TRAF3: variants seen among roughly 807,000 people sequenced by gnomAD.
TRAF3 encodes TNF receptor associated factor 3.
A neutral mutation model predicts 62.3 loss-of-function variants in TRAF3; 13 were observed. The observed-to-expected ratio is 0.21, with a 90% CI of 0.14 to 0.33. The LOEUF is 0.33. Ranked by LOEUF, TRAF3 falls within the 10% of genes least tolerant of loss-of-function variation. TRAF3 has a pLI of 1.00. For missense variants in TRAF3, 440 were observed against 741.8 expected (o/e 0.59, Z 4.73); for synonymous variants, 269 against 283.4 (o/e 0.95, Z 0.51).
chr14:102,837,132 G>T (rs551726736), intron 2 of TRAF3, among the ~76,000 whole-genome samples: 264 of 142,152 alleles, frequency 1.9e-3, no homozygotes, highest in South Asian at 4.9e-3. Flanking sequence ...GTGTGTGTGT[G>T]TGTGTGTGTG....
rs1889704794 is a variant in TRAF3 at position 102,891,402 on chromosome 14, C to A, written c.804C>A (p.Asn268Lys). 6.2e-7 allele frequency: 1 copy of A among 1,612,446 alleles called. No individual in the cohort carries two copies. The highest frequency in any genetic ancestry group is 8.5e-7 in the Non-Finnish European group (1 of 1,179,430). The change falls in exon 9 of 12, where the codon AAC becomes AAA. Residue 268 changes from asparagine to lysine, a missense_variant. This residue lies in a region of TRAF3 where 255 missense variants were observed against 424.1 expected (regional missense o/e 0.60). Coordinates refer to ENST00000392745, the MANE Select transcript of TRAF3 (RefSeq NM_145725.3). ...QHVNLLKEWS[N>K]SLEKKVSLLQ... ...TCAACCTGCTGAAGGAGTGGAGCAA[C>A]TCGCTCGAAAAGAAGGTGGGCTGCA...
Position 102,874,293 on chromosome 14 carries a change from C to G in TRAF3, c.298-1331C>G, listed in dbSNP as rs546878152. ...TCTTTTTGAGACAGAGTCTCACTCT[C>G]TTGCCCAGGCTGGAGTACAATGGCG... On this transcript the variant is annotated intron_variant, in intron 4 of 11. Transcript: ENST00000392745. Among the ~76,000 whole-genome samples, 13 of 152,268 alleles carry G rather than the reference C, an allele frequency of 8.5e-5. No homozygotes were observed. In the East Asian group the frequency reaches 2.5e-3, roughly 29 times the overall value.
intron 1 of TRAF3, among the ~76,000 whole-genome samples, chr14:102,801,848 C>G (rs1289808819): frequency 6.6e-6 from 1 of 151,604 alleles, no homozygotes; most frequent in Non-Finnish European, 1.5e-5. Flanking sequence ...GAAACCCCGT[C>G]TACTAAAAAT....
intron 1 of TRAF3, among the ~76,000 whole-genome samples, chr14:102,807,350 A>T (rs1054972109): frequency 2.6e-5 from 4 of 151,976 alleles, no homozygotes; most frequent in African/African-American, 9.7e-5. Context: ...TCCTTTCTCC[A>T]GGGGCCTGGG....
At chr14:102,881,546 C>T (rs1197925880) in intron 6 of TRAF3, among the ~76,000 whole-genome samples, 2 of 152,100 alleles carry the variant, frequency 1.3e-5, no homozygotes, top group Middle Eastern at 3.2e-3. Context: ...AATGAGAACA[C>T]ATAGACACAT....
chr14:102,907,502 G>A lies in TRAF3; in HGVS notation c.*1718G>A, dbSNP rs956728038. The A allele has an allele frequency of 6.6e-6, 1 of 152,314 alleles. No individual in the cohort carries two copies. Among genetic ancestry groups the A allele is most frequent in the Non-Finnish European group, 1.5e-5 (1 of 68,080 alleles). The allele number at this position is 152,314 out of a possible 1,614,324, so 9.4% of individuals were successfully genotyped here. A position where few individuals can be genotyped will look rare whatever the true frequency, so the allele number is the denominator to read the frequency against. ...CTCTTACCACTGATGGGTGCTACAC[G>A]CGACGGGTGCTTCTTAGGCAAAACC... On this transcript the variant is annotated 3_prime_UTR_variant, in exon 12 of 12. Coordinates refer to ENST00000392745, the MANE Select transcript of TRAF3 (RefSeq NM_145725.3).
chr14:102,790,593 T>C (rs1897737555), intron 1 of TRAF3, among the ~76,000 whole-genome samples: 2 of 152,204 alleles, frequency 1.3e-5, no homozygotes. Context: ...AACTGTGCTT[T>C]ATAAAACCAT....
chr14:102,861,963 T>C (rs1322621186), intron 2 of TRAF3, among the ~76,000 whole-genome samples: 1 of 152,238 alleles, frequency 6.6e-6, no homozygotes, highest in Admixed American at 6.5e-5. Context: ...ATTAGATATG[T>C]GATTTGCAAG....
At position 102,878,634 on chromosome 14, in the gene TRAF3, T is replaced by C. The variant is rs538702263; in HGVS notation, c.570+2109T>C. On this transcript the variant is annotated intron_variant, in intron 6 of 11. Transcript: ENST00000392745. ...TGTGTAACATCGGGTAGTGATCAGT[T>C]CCATGAATAAAAATCAGGTGGCATC... is the stretch of plus-strand genomic sequence containing the variant. 2.6e-5 allele frequency among the ~76,000 whole-genome samples: 4 copies of C among 152,194 alleles called. No homozygotes were observed. In the East Asian group the frequency reaches 7.7e-4, roughly 29 times the overall value.
At chr14:102,789,623 T>G (rs1033820886) in intron 1 of TRAF3, among the ~76,000 whole-genome samples, 2 of 145,148 alleles carry the variant, frequency 1.4e-5, no homozygotes, top group African/African-American at 2.6e-5. Context: ...TGTGTGTGTG[T>G]GGTATGTGTA....
intron 2 of TRAF3, among the ~76,000 whole-genome samples, chr14:102,850,881 C>T (rs541848564): frequency 1.1e-4 from 16 of 152,242 alleles, no homozygotes; most frequent in African/African-American, 3.9e-4. Flanking sequence ...TGCCATTCAG[C>T]AGTACATTTC....
intron 2 of TRAF3, among the ~76,000 whole-genome samples, chr14:102,837,657 A>T (rs1886110289): frequency 6.6e-6 from 1 of 151,926 alleles, no homozygotes; most frequent in Non-Finnish European, 1.5e-5. Flanking sequence ...AAAAAAAGAT[A>T]CTTGGTTTTA....
intron 1 of TRAF3, among the ~76,000 whole-genome samples, chr14:102,789,594 A>ATATGTG (rs139710242): frequency 2.7e-5 from 4 of 148,682 alleles, no homozygotes; most frequent in Admixed American, 2.0e-4. Context: ...AAAAGGATAT[A>ATATGTG]TGTGTGTGTG....
In TRAF3 at chr14:102,889,614, C is replaced by T. The variant is rs368804411; in HGVS notation, c.706C>T (p.Arg236Cys). Residue 236 changes from arginine (R) to cysteine (C), a missense_variant, in exon 8 of 12, where the codon CGC (arginine) becomes TGC (cysteine). By Grantham distance (180) the Arg-to-Cys change is radical. This residue lies in a region of TRAF3 where 255 missense variants were observed against 424.1 expected (regional missense o/e 0.60). Coordinates refer to ENST00000392745, the MANE Select transcript of TRAF3 (RefSeq NM_145725.3). ...TGCCCCCAGCACCTGTAGTTTTAAG[C>T]GCTATGGCTGCGTTTTTCAGGTCAG... ...VNAPSTCSFK[R>C]YGCVFQGTNQ... 3.7e-6 allele frequency: 6 copies of T among 1,614,082 alleles called. No individual in the cohort carries two copies. Among genetic ancestry groups the T allele is most frequent in the East Asian group, 2.2e-5 (1 of 44,904 alleles).
chr14:102,853,151 C>A (rs1383351623), intron 2 of TRAF3, among the ~76,000 whole-genome samples: 1 of 152,154 alleles, frequency 6.6e-6, no homozygotes, highest in African/African-American at 2.4e-5. Context: ...ATCCTCCTGC[C>A]TTGCCTCCTA....
chr14:102,851,279 G>A (rs1328570119), intron 2 of TRAF3, among the ~76,000 whole-genome samples: 4 of 152,260 alleles, frequency 2.6e-5, no homozygotes, highest in Middle Eastern at 6.8e-3. Context: ...TGAAGTAAAG[G>A]TATTTATGTT....
rs188629086 is a variant in TRAF3 at position 102,835,966 on chromosome 14, C to T, written c.-18+5494C>T. ...CATGCCTGGAATACTAGCATGTTGG[C>T]GGGAGGATCGCTTGAGGCCAGGAGT... On this transcript the variant is annotated intron_variant, in intron 2 of 11. Coordinates refer to ENST00000392745, the MANE Select transcript of TRAF3 (RefSeq NM_145725.3). 7.2e-5 allele frequency among the ~76,000 whole-genome samples: 11 copies of T among 152,222 alleles called. 1 individual carries two copies. Among genetic ancestry groups the T allele is most frequent in the African/African-American group, 2.4e-4 (10 of 41,532 alleles).
At chr14:102,837,578 T>A (rs998275917) in intron 2 of TRAF3, among the ~76,000 whole-genome samples, 16 of 152,248 alleles carry the variant, frequency 1.1e-4, no homozygotes, top group African/African-American at 3.4e-4. Flanking sequence ...GTTGTGAATG[T>A]CATATATGAG....
At chr14:102,889,483 G>A in intron 7 of TRAF3, 77 bp from the exon 8 acceptor site, 1 of 1,376,756 alleles carries the variant, frequency 7.3e-7, no homozygotes, top group Non-Finnish European at 1.0e-6. Flanking sequence ...CAGCTCAGAT[G>A]CTATCTGTGC....
Sources: gnomAD v4.1 joint callset for allele counts (sites outside exome capture counted in the v4.1 genomes callset) on GRCh38, gnomAD v4.1.1 for gene constraint, gnomAD v4.1.1 regional missense constraint, MANE v1.5 for transcripts, NCBI Gene and HGNC (gene_info 2026-07-23, HGNC 2026-07-21) for gene names.